Variants in FBXW7 observed in about 807,000 individuals in gnomAD.
The protein encoded by FBXW7 is F-box and WD repeat domain containing 7.
Under a neutral mutation model 86.3 loss-of-function variants are expected in FBXW7, and 11 were observed. The observed-to-expected ratio is 0.13, with a 90% CI of 0.08 to 0.21. The LOEUF (loss-of-function observed/expected upper bound fraction) is 0.21. Among genes scored for constraint, FBXW7 ranks in the 10% least tolerant of loss-of-function variants. The pLI is 1.00. For missense variants in FBXW7, 488 were observed against 847.4 expected (o/e 0.58, Z 5.27); for synonymous variants, 313 against 297.9 (o/e 1.05, Z -0.52).
chr4:152,494,195 C>T (rs1418200660), intron 2 of FBXW7, among the ~76,000 whole-genome samples: 2 of 151,768 alleles, frequency 1.3e-5, no homozygotes, highest in Admixed American at 6.6e-5. Context: ...AGGGAGAAAG[C>T]CTTAGATAGA....
intron 2 of FBXW7, among the ~76,000 whole-genome samples, chr4:152,484,721 G>A (rs1745190201): frequency 6.6e-6 from 1 of 152,122 alleles, no homozygotes; most frequent in African/African-American, 2.4e-5. Flanking sequence ...CAGCACTTTG[G>A]GAGGCCAAGG....
intron 2 of FBXW7, among the ~76,000 whole-genome samples, chr4:152,453,773 G>T (rs1242890562): frequency 6.6e-6 from 1 of 152,056 alleles, no homozygotes; most frequent in East Asian, 1.9e-4. Flanking sequence ...AATTTTTTCA[G>T]CATGTGTTAG....
chr4:152,328,599 T>C (rs997371825), intron 10 of FBXW7: 9 of 399,218 alleles, frequency 2.3e-5, no homozygotes, highest in Admixed American at 4.6e-5. Flanking sequence ...CAAGCAATTG[T>C]GTATGTAGTA....
chr4:152,331,993 G>A (rs1729606279), intron 8 of FBXW7, among the ~76,000 whole-genome samples: 1 of 151,816 alleles, frequency 6.6e-6, no homozygotes, highest in South Asian at 2.1e-4. Context: ...CACCTATAGA[G>A]TACCTACATC....
chr4:152,503,019 G>C (rs934888872), intron 2 of FBXW7, among the ~76,000 whole-genome samples: 2 of 152,052 alleles, frequency 1.3e-5, no homozygotes, highest in African/African-American at 4.8e-5. Context: ...TTAAATTCTT[G>C]CGCCAAAAGA....
At chr4:152,380,988 TAAAAC>T (rs1735011597) in intron 4 of FBXW7, among the ~76,000 whole-genome samples, 1 of 151,978 alleles carries the variant, frequency 6.6e-6, no homozygotes, top group Non-Finnish European at 1.5e-5. Context: ...GCAGACAAAA[TAAAAC>T]AAACACTTTC....
intron 4 of FBXW7, among the ~76,000 whole-genome samples, chr4:152,356,965 CAATT>C (rs1732442820): frequency 6.6e-6 from 1 of 152,106 alleles, no homozygotes; most frequent in South Asian, 2.1e-4. Context: ...GAAATACAGT[CAATT>C]AACACAAGAG....
chr4:152,520,439 CAAAA>C (rs58890384), intron 2 of FBXW7, among the ~76,000 whole-genome samples: 2 of 60,506 alleles, frequency 3.3e-5, no homozygotes, highest in Non-Finnish European at 3.5e-5. Flanking sequence ...GACTCCGTCT[CAAAA>C]AAAAAAAAAA....
chr4:152,377,239 T>TA (rs1044343304), intron 4 of FBXW7, among the ~76,000 whole-genome samples: 3 of 152,316 alleles, frequency 2.0e-5, no homozygotes, highest in Admixed American at 6.5e-5. Context: ...CTGGGAGAGT[T>TA]ATTCACTTGT....
chr4:152,492,343 A>G (rs1340588981), intron 2 of FBXW7, among the ~76,000 whole-genome samples: 1 of 152,158 alleles, frequency 6.6e-6, no homozygotes, highest in Non-Finnish European at 1.5e-5. Flanking sequence ...TCGACTGTAA[A>G]TATAATTTTT....
intron 2 of FBXW7, among the ~76,000 whole-genome samples, chr4:152,464,068 A>G (rs773012281): frequency 1.3e-5 from 2 of 152,228 alleles, no homozygotes; most frequent in Non-Finnish European, 2.9e-5. Flanking sequence ...AAATAATAGC[A>G]TGTTTACGGC....
chr4:152,514,937 A>C (rs987109716), intron 2 of FBXW7, among the ~76,000 whole-genome samples: 16 of 152,182 alleles, frequency 1.1e-4, no homozygotes, highest in African/African-American at 3.9e-4. Context: ...ATTATTTAGG[A>C]GCTGAGAATG....
chr4:152,440,967 ATGT>A (rs1740843223), intron 2 of FBXW7, among the ~76,000 whole-genome samples: 1 of 151,654 alleles, frequency 6.6e-6, no homozygotes, highest in Admixed American at 6.6e-5. Context: ...ACTAAGCGTC[ATGT>A]CTCTTCTATG....
At chr4:152,460,247 G>A (rs187857397) in intron 2 of FBXW7, among the ~76,000 whole-genome samples, 22 of 152,110 alleles carry the variant, frequency 1.4e-4, no homozygotes, top group African/African-American at 5.3e-4. Context: ...CTATTAACAC[G>A]TTAATTTGTA....
intron 4 of FBXW7, among the ~76,000 whole-genome samples, chr4:152,367,867 G>C (rs545867753): frequency 6.6e-6 from 1 of 152,010 alleles, no homozygotes; most frequent in South Asian, 2.1e-4. Flanking sequence ...ATGATACTAG[G>C]TGACAGTATT....
rs560656216 is a variant in FBXW7 at position 152,411,413 on chromosome 4, T to C, written c.391A>G (p.Ser131Gly). ...ESDDFDQSDD[S>G]SREDEHTHTN... ...TGTGTATGTTCATCTTCTCTGCTAC[T>C]ATCATCAGACTGATCAAAATCGTCA... Residue 131 changes from serine to glycine, a missense_variant, in exon 4 of 14, where the codon AGT becomes GGT. Ser to Gly is a moderately conservative substitution (Grantham distance 56). Transcript: ENST00000281708. The C allele has an allele frequency of 1.2e-6, 2 of 1,613,750 alleles. No homozygotes were observed. Among genetic ancestry groups the C allele is most frequent in the South Asian group, 1.1e-5 (1 of 91,046 alleles).
chr4:152,461,951 G>GA (rs1374714464), intron 2 of FBXW7, among the ~76,000 whole-genome samples: 3 of 147,978 alleles, frequency 2.0e-5, no homozygotes, highest in African/African-American at 5.2e-5. Context: ...CAACTGATGA[G>GA]AAAAAAATGT....
chr4:152,463,049 A>G (rs1248345049), intron 2 of FBXW7, among the ~76,000 whole-genome samples: 1 of 151,106 alleles, frequency 6.6e-6, no homozygotes, highest in African/African-American at 2.4e-5. Flanking sequence ...GCACTTTGGG[A>G]GGCTGAGACA....
At chr4:152,481,991 T>C (rs1490704568) in intron 2 of FBXW7, among the ~76,000 whole-genome samples, 1 of 152,194 alleles carries the variant, frequency 6.6e-6, no homozygotes, top group Non-Finnish European at 1.5e-5. Context: ...CCTCCAATTT[T>C]GAAGAATTTC....
Sources: allele counts gnomAD v4.1 joint callset (sites outside exome capture counted in the v4.1 genomes callset), GRCh38; gene constraint gnomAD v4.1.1; transcripts MANE v1.5; gene names NCBI Gene and HGNC (gene_info 2026-07-23, HGNC 2026-07-21).